The following HMGCLL1 variants were observed in gnomAD, a reference collection of about 807,000 sequenced individuals.
HMGCLL1 encodes 3-hydroxymethyl-3-methylglutaryl-CoA lyase, cytoplasmic.
HMGCLL1 carries 36 observed loss-of-function variants against 39.1 expected under a neutral mutation model. That is an observed-to-expected ratio of 0.92 (90% CI 0.71 to 1.22). The LOEUF is 1.22. HMGCLL1 is among the 50% of genes most tolerant of loss of function. The pLI, the probability that HMGCLL1 is intolerant of heterozygous loss-of-function variation, is 0.00. For synonymous variants in HMGCLL1, 149 were observed against 144.0 expected, an observed-to-expected ratio of 1.03 and a Z score of -0.25; for missense variants, 451 against 416.5, an observed-to-expected ratio of 1.08 and a Z score of -0.72.
chr6:55,664,513 A>C, the HMGCLL1 span, among the ~76,000 whole-genome samples: 1 of 151,860 alleles, frequency 6.6e-6, no homozygotes, highest in Admixed American at 6.6e-5. Flanking sequence ...CCTTAGTAAA[A>C]ATGTTATTAA....
At chr6:55,674,750 G>T in the HMGCLL1 span, among the ~76,000 whole-genome samples, 1 of 152,030 alleles carries the variant, frequency 6.6e-6, no homozygotes, top group Admixed American at 6.6e-5. Context: ...AGGGCTTAGG[G>T]CTTTTAGAGG....
At chr6:55,558,620 A>G (rs1200193456) in intron 1 of HMGCLL1, among the ~76,000 whole-genome samples, 1 of 152,138 alleles carries the variant, frequency 6.6e-6, no homozygotes, top group Non-Finnish European at 1.5e-5. Flanking sequence ...CTTCCATGTG[A>G]ATATGATGAC....
At chr6:55,523,063 G>A (rs1768117384) in intron 3 of HMGCLL1, among the ~76,000 whole-genome samples, 1 of 151,800 alleles carries the variant, frequency 6.6e-6, no homozygotes, top group African/African-American at 2.4e-5. Context: ...CCTAAATATA[G>A]GACTCTATAT....
intron 7 of HMGCLL1, among the ~76,000 whole-genome samples, chr6:55,441,976 A>G (rs889932636): frequency 3.3e-5 from 5 of 151,998 alleles, no homozygotes; most frequent in Admixed American, 3.3e-4. Flanking sequence ...TATTTTGTAC[A>G]TTGTCCTTCA....
chr6:55,678,609 A>C, the HMGCLL1 span, among the ~76,000 whole-genome samples: 2 of 152,166 alleles, frequency 1.3e-5, no homozygotes, highest in Non-Finnish European at 2.9e-5. Flanking sequence ...ATGTCACTGC[A>C]TTAGCTCAGC....
chr6:55,561,236 T>A (rs1770930385), intron 1 of HMGCLL1, among the ~76,000 whole-genome samples: 1 of 152,202 alleles, frequency 6.6e-6, no homozygotes, highest in Non-Finnish European at 1.5e-5. Flanking sequence ...ATATCTAAAC[T>A]ACATTATCTT....
chr6:55,522,985 G>A (rs895764645), intron 3 of HMGCLL1, among the ~76,000 whole-genome samples: 9 of 151,832 alleles, frequency 5.9e-5, no homozygotes, highest in African/African-American at 2.2e-4. Flanking sequence ...TTTTTACAGT[G>A]GTATCTTTAC....
At chr6:55,474,642 T>C (rs530987495) in intron 7 of HMGCLL1, among the ~76,000 whole-genome samples, 1 of 151,718 alleles carries the variant, frequency 6.6e-6, no homozygotes, top group Non-Finnish European at 1.5e-5. Context: ...GGTTGCTTTG[T>C]CTCTTCAGGC....
chr6:55,539,130 A>G (rs1427253617), intron 3 of HMGCLL1, among the ~76,000 whole-genome samples: 2 of 152,204 alleles, frequency 1.3e-5, no homozygotes, highest in Non-Finnish European at 2.9e-5. Context: ...AATAGAGGAC[A>G]AGAAACAGTT....
At chr6:55,467,705 T>C (rs1764853324) in intron 7 of HMGCLL1, among the ~76,000 whole-genome samples, 1 of 152,074 alleles carries the variant, frequency 6.6e-6, no homozygotes, top group South Asian at 2.1e-4. Context: ...GTGTTTCTGT[T>C]GAAACTATAT....
chr6:55,519,752 T>C (rs1767940093), intron 3 of HMGCLL1, among the ~76,000 whole-genome samples: 1 of 152,228 alleles, frequency 6.6e-6, no homozygotes, highest in Admixed American at 6.6e-5. Context: ...TGTATTCTCA[T>C]GATAACAAAA....
intron 1 of HMGCLL1, among the ~76,000 whole-genome samples, chr6:55,557,394 T>G (rs569930913): frequency 7.9e-5 from 12 of 152,230 alleles, no homozygotes; most frequent in African/African-American, 1.7e-4. Flanking sequence ...TCCTGGGCAG[T>G]GCTTGCCATC....
chr6:55,661,638 T>C, the HMGCLL1 span, among the ~76,000 whole-genome samples: 23,976 of 151,766 alleles, frequency 0.16, 2,016 homozygotes, highest in East Asian at 0.23. Flanking sequence ...TTTAAAGTCA[T>C]GTAGTGTGAT....
At chr6:55,647,745 C>T in the HMGCLL1 span, among the ~76,000 whole-genome samples, 313 of 115,808 alleles carry the variant, frequency 2.7e-3, 2 homozygotes, top group African/African-American at 9.8e-3. Context: ...TTTTTTTTTC[C>T]TTTTTTTTTT....
At chr6:55,491,603 A>C (rs1303520998) in intron 7 of HMGCLL1, among the ~76,000 whole-genome samples, 5 of 152,146 alleles carry the variant, frequency 3.3e-5, no homozygotes, top group Admixed American at 6.6e-5. Context: ...TTGTTTCCTC[A>C]TTTCAGTGGA....
At chr6:55,666,950 AG>A in the HMGCLL1 span, among the ~76,000 whole-genome samples, 1 of 151,458 alleles carries the variant, frequency 6.6e-6, no homozygotes, top group South Asian at 2.1e-4. Context: ...TTTTTTCAAA[AG>A]TTTGGGCTCC....
intron 7 of HMGCLL1, among the ~76,000 whole-genome samples, chr6:55,478,819 T>G (rs890783893): frequency 1.3e-5 from 2 of 151,354 alleles, no homozygotes; most frequent in African/African-American, 2.4e-5. Flanking sequence ...TGTTCTCACA[T>G]AGTATTGTAC....
intron 1 of HMGCLL1, among the ~76,000 whole-genome samples, chr6:55,561,007 A>T (rs1454070715): frequency 2.0e-5 from 3 of 152,162 alleles, no homozygotes; most frequent in Non-Finnish European, 4.4e-5. Flanking sequence ...GTTATAAGTG[A>T]ACTAAGCCTC....
At chr6:55,666,184 C>T in the HMGCLL1 span, among the ~76,000 whole-genome samples, 1 of 151,590 alleles carries the variant, frequency 6.6e-6, no homozygotes. Context: ...CAATTGTATG[C>T]TAAAAAAGTA....
Sources: allele counts gnomAD v4.1 joint callset (sites outside exome capture counted in the v4.1 genomes callset), GRCh38; gene constraint gnomAD v4.1.1; transcripts MANE v1.5; gene names NCBI Gene and HGNC (gene_info 2026-07-23, HGNC 2026-07-21).